CCDC88C: variants seen among roughly 807,000 people sequenced by gnomAD.
CCDC88C encodes the protein coiled-coil and HOOK domain protein 88C.
Under a neutral mutation model 198.8 loss-of-function variants are expected in CCDC88C, and 131 were observed. That is an observed-to-expected ratio of 0.66 (90% CI 0.57 to 0.76). The LOEUF (loss-of-function observed/expected upper bound fraction) is 0.76, where lower values mean the gene tolerates loss of function less well. CCDC88C is among the 30% of genes least tolerant of loss of function. The probability of loss-of-function intolerance (pLI) is 0.00; values close to 1 mark genes in which losing one functional copy is unlikely to be tolerated. For missense variants in CCDC88C, 2,553 were observed against 2,631.6 expected (o/e 0.97, Z 0.65); for synonymous variants, 1,166 against 1,114.7 (o/e 1.05, Z -0.92).
At position 91,339,411 on chromosome 14, in the gene CCDC88C, G is replaced by C. The variant is rs1893209331; in HGVS notation, c.676C>G (p.Pro226Ala). The change falls in exon 8 of 30, where the codon CCC (proline) becomes GCC (alanine). Residue 226 changes from proline to alanine, a missense_variant. By Grantham distance (27) the Pro-to-Ala change is conservative (BLOSUM62 -1). This residue lies in a region of CCDC88C where 1,260 missense variants were observed against 1,412.0 expected (regional missense o/e 0.89). Coordinates refer to ENST00000389857, the MANE Select transcript of CCDC88C (RefSeq NM_001080414.4). This position sits in a 1 kb window ranked among gnomAD's most constrained non-coding sequence, Gnocchi z 5.8. ...GCGCTGGAGGACTTGATGGGGCTGG[G>C]TGGATGCTGTGCCTGCAGGTAGTCC... Reference protein sequence around the residue: ...ERDYLQAQHPPSPIKSSSADS... With the variant: ...ERDYLQAQHPASPIKSSSADS... The C allele has an allele frequency of 6.2e-7, 1 of 1,611,948 alleles. No individual in the cohort carries two copies.
At chr14:91,393,554 C>G (rs1326954756) in intron 3 of CCDC88C, among the ~76,000 whole-genome samples, 1 of 152,166 alleles carries the variant, frequency 6.6e-6, no homozygotes, top group Non-Finnish European at 1.5e-5. Flanking sequence ...TCAAAATAGC[C>G]CAGAGTTCTC....
chr14:91,417,675 AG>A lies in CCDC88C; in HGVS notation c.15del (p.Ser6ArgfsTer13). 1 of 1,580,478 alleles carries A rather than the reference AG, an allele frequency of 6.3e-7. No individual in the cohort carries two copies. The highest frequency in any genetic ancestry group is 8.6e-7 in the Non-Finnish European group (1 of 1,167,100). ...TGCAGGAAGAGCTCCAGGAGCTCCGAGACTGTCACGTCCATGCTGAGGCTGC... is the reference window on the plus strand; with the variant it reads ...TGCAGGAAGAGCTCCAGGAGCTCCGAACTGTCACGTCCATGCTGAGGCTGC... MDVT[V>X]SELLELFLQS... On this transcript the variant is annotated frameshift_variant, in exon 1 of 30. Coordinates refer to ENST00000389857, the MANE Select transcript of CCDC88C (RefSeq NM_001080414.4). LOFTEE classifies it high-confidence loss of function.
intron 3 of CCDC88C, among the ~76,000 whole-genome samples, chr14:91,404,782 T>C (rs1292173390): frequency 1.3e-5 from 2 of 151,528 alleles, no homozygotes; most frequent in Non-Finnish European, 2.9e-5. Context: ...GCTAACACGG[T>C]GAAAACCCGT....
At chr14:91,388,498 T>C (rs1885287362) in intron 3 of CCDC88C, among the ~76,000 whole-genome samples, 1 of 152,178 alleles carries the variant, frequency 6.6e-6, no homozygotes, top group South Asian at 2.1e-4. Flanking sequence ...GTGTCTGCCA[T>C]AGCAACACTA....
At chr14:91,342,329 C>T (rs1331935815) in intron 6 of CCDC88C, 51 bp downstream of exon 6, 5 of 1,187,594 alleles carry the variant, frequency 4.2e-6, no homozygotes, top group African/African-American at 1.5e-5. Context: ...CTCCCGGCCA[C>T]CACAGGAGCA....
intron 3 of CCDC88C, among the ~76,000 whole-genome samples, chr14:91,383,020 C>T (rs1884899287): frequency 6.6e-6 from 1 of 152,164 alleles, no homozygotes; most frequent in African/African-American, 2.4e-5. Flanking sequence ...TCCTGCCTCC[C>T]GCAAAGCCTC....
At chr14:91,326,311 T>TCAG (rs972392834) in intron 10 of CCDC88C, among the ~76,000 whole-genome samples, 3 of 152,056 alleles carry the variant, frequency 2.0e-5, no homozygotes, top group African/African-American at 7.2e-5. Flanking sequence ...CCTCCTAGGT[T>TCAG]CAGCAATTCT....
Position 91,305,926 on chromosome 14 carries a change from T to C in CCDC88C, c.3196A>G (p.Asn1066Asp). 6.2e-7 allele frequency: 1 copy of C among 1,612,542 alleles called. No homozygotes were observed. The highest frequency in any genetic ancestry group is 1.1e-5 in the South Asian group (1 of 91,040). ...TGCTTCTCAGCCTGCAGAGCTGCAT[T>C]CTAGAAGATCGGGAGGCATGAGCGA... is the stretch of plus-strand genomic sequence containing the variant. ...KDRAIELERN[N>D]AALQAEKQLL... is the part of the protein sequence containing the mutation. Residue 1066 changes from asparagine (N) to aspartate (D), a missense_variant and splice_region_variant, in exon 19 of 30, where the codon AAT (asparagine) becomes GAT (aspartate). Transcript: ENST00000389857.
rs111227967 is a variant in CCDC88C, at chr14:91,324,759, C to T, written c.1342+20G>A. 2.7e-3 allele frequency: 4,286 copies of T among 1,606,828 alleles called. 93 individuals carry two copies. In the African/African-American group the frequency reaches 0.049, roughly 18 times the overall value. On this transcript the variant is annotated intron_variant, in intron 12 of 29. Transcript: ENST00000389857. ...GGCGGCCACGGCCAGGCTGGCTCCC[C>T]GGCACCAGGCGCTACCTACCGTCTG...
chr14:91,358,068 CAA>C (rs936797076), intron 4 of CCDC88C, among the ~76,000 whole-genome samples: 2 of 152,176 alleles, frequency 1.3e-5, no homozygotes, highest in Admixed American at 6.5e-5. Flanking sequence ...CTGGCTCATG[CAA>C]AGGCGGACAC....
intron 4 of CCDC88C, among the ~76,000 whole-genome samples, chr14:91,356,856 A>G (rs1411772631): frequency 1.3e-5 from 2 of 152,044 alleles, no homozygotes; most frequent in Non-Finnish European, 2.9e-5. Context: ...ATGGTAGTGG[A>G]AGGGGAGACA....
At position 91,272,568 on chromosome 14, in the gene CCDC88C, T is replaced by G; in HGVS notation, c.*57A>C. 8.7e-4 allele frequency: 1,316 copies of G among 1,516,458 alleles called. No homozygotes were observed. Among genetic ancestry groups the G allele is most frequent in the Non-Finnish European group, 1.1e-3 (1,209 of 1,120,354 alleles). 93.9% of individuals were successfully genotyped at this position (1,516,458 alleles called of 1,614,324 possible). On this transcript the variant is annotated 3_prime_UTR_variant, in exon 30 of 30. Coordinates refer to ENST00000389857, the MANE Select transcript of CCDC88C (RefSeq NM_001080414.4). Reference sequence around the variant, plus strand: ...CGCAGGCAAGCAAGAGAAAAGGCCGTGAGAGTCGGAAGGCGCGTCAGTAGT... The same window carrying G: ...CGCAGGCAAGCAAGAGAAAAGGCCGGGAGAGTCGGAAGGCGCGTCAGTAGT...
At chr14:91,291,391 T>C (rs1740866253) in intron 23 of CCDC88C, among the ~76,000 whole-genome samples, 1 of 152,218 alleles carries the variant, frequency 6.6e-6, no homozygotes, top group South Asian at 2.1e-4. Context: ...AGGATTCTCC[T>C]TCCAGGTTGT....
At chr14:91,303,249 G>A (rs866644165) in intron 20 of CCDC88C, among the ~76,000 whole-genome samples, 1 of 108,190 alleles carries the variant, frequency 9.2e-6, no homozygotes, top group African/African-American at 3.5e-5. Context: ...CCTCTCCCCC[G>A]GGCCCTGCCC....
chr14:91,321,780 G>C (rs977783245), intron 12 of CCDC88C, among the ~76,000 whole-genome samples: 1 of 152,172 alleles, frequency 6.6e-6, no homozygotes, highest in Non-Finnish European at 1.5e-5. Flanking sequence ...AACATGTGTC[G>C]GGCACTTGTC....
In CCDC88C at chr14:91,416,760, A is replaced by G; in HGVS notation, c.139T>C (p.Leu47=). The G allele has an allele frequency of 1.2e-6, 2 of 1,613,266 alleles. No individual in the cohort carries two copies. Among genetic ancestry groups the G allele is most frequent in the South Asian group, 1.1e-5 (1 of 91,002 alleles). Residue 47 remains leucine (L), a synonymous_variant, in exon 2 of 30, where the codon TTG becomes CTG. Coordinates refer to ENST00000389857, the MANE Select transcript of CCDC88C (RefSeq NM_001080414.4). ...MYMDLVDGIF[L]NQIMLQIDPR... ...TACATTTGCAGCATAATTTGGTTCA[A>G]AAAGATGCCGTCCACTAAATCCATG...
chr14:91,356,698 T>C (rs1894051238), intron 4 of CCDC88C, among the ~76,000 whole-genome samples: 1 of 149,210 alleles, frequency 6.7e-6, no homozygotes, highest in South Asian at 2.1e-4. Context: ...ATAAAGCTGT[T>C]AAAAAAAAAA....
chr14:91,337,081 G>GA (rs1026522892), intron 10 of CCDC88C, among the ~76,000 whole-genome samples: 3 of 152,218 alleles, frequency 2.0e-5, no homozygotes, highest in Non-Finnish European at 4.4e-5. Context: ...TAGGCAATGG[G>GA]AAAAATTCCT....
chr14:91,397,452 TCA>T (rs1440847895), intron 3 of CCDC88C, among the ~76,000 whole-genome samples: 1 of 151,698 alleles, frequency 6.6e-6, no homozygotes, highest in Non-Finnish European at 1.5e-5. Context: ...ACACACACAC[TCA>T]CACACACTCT....
Sources: allele counts gnomAD v4.1 joint callset (sites outside exome capture counted in the v4.1 genomes callset), GRCh38; gene constraint gnomAD v4.1.1; regional missense constraint gnomAD v4.1.1; non-coding constraint Gnocchi (gnomAD v3.1); transcripts MANE v1.5; gene names NCBI Gene and HGNC (gene_info 2026-07-23, HGNC 2026-07-21).